ROBO2: variants seen among roughly 807,000 people sequenced by gnomAD.
The protein encoded by ROBO2 is roundabout guidance receptor 2.
In ROBO2, 53 loss-of-function variants were observed where a neutral mutation model predicts 160.8. That is an observed-to-expected ratio of 0.33 (90% CI 0.26 to 0.41). The LOEUF (loss-of-function observed/expected upper bound fraction) is 0.41. Ranked by LOEUF, ROBO2 falls within the 10% of genes least tolerant of loss-of-function variation. The pLI is 1.00. For missense variants in ROBO2, 1,577 were observed against 1,722.4 expected, an observed-to-expected ratio of 0.92 and a Z score of 1.49; for synonymous variants, 664 against 611.7, an observed-to-expected ratio of 1.09 and a Z score of -1.26.
Position 75,959,078 on chromosome 3 carries a change from A to G in ROBO2, c.109+21476A>G, listed in dbSNP as rs145392787. Among the ~76,000 whole-genome samples the G allele has an allele frequency of 2.5e-3, 375 of 151,932 alleles. 2 individuals are homozygous for G. The highest frequency in any genetic ancestry group is 8.6e-3 in the African/African-American group (357 of 41,520). ...ACTTTTAAACTTCAAAATTATGATG[A>G]CATAAGTATTTTAAAGAGCATTTAG... On this transcript the variant is annotated intron_variant, in intron 2 of 26. Coordinates refer to the ROBO2 transcript ENST00000487694.
intron 24 of ROBO2, among the ~76,000 whole-genome samples, chr3:77,637,407 A>G (rs927857118): frequency 9.2e-5 from 14 of 152,172 alleles, no homozygotes; most frequent in African/African-American, 2.9e-4. Context: ...ATATTGTTCT[A>G]CATACTTTCC....
intron 2 of ROBO2, among the ~76,000 whole-genome samples, chr3:76,381,837 A>G (rs2076640904): frequency 6.6e-6 from 1 of 152,158 alleles, no homozygotes; most frequent in African/African-American, 2.4e-5. Flanking sequence ...TGTCACTGCT[A>G]ATAAGTGGCC....
intron 2 of ROBO2, among the ~76,000 whole-genome samples, chr3:77,418,057 C>T (rs1410871400): frequency 2.0e-5 from 3 of 152,000 alleles, no homozygotes; most frequent in Non-Finnish European, 4.4e-5. Context: ...ATTAAATAAG[C>T]CTTGTTGCTA....
intron 2 of ROBO2, among the ~76,000 whole-genome samples, chr3:76,091,799 C>T (rs972907132): frequency 2.6e-5 from 4 of 152,060 alleles, no homozygotes; most frequent in African/African-American, 7.2e-5. Flanking sequence ...AGCTTCAATA[C>T]ACTAAGTGAA....
intron 2 of ROBO2, among the ~76,000 whole-genome samples, chr3:75,960,514 A>G (rs1948872792): frequency 6.6e-6 from 1 of 151,770 alleles, no homozygotes; most frequent in Non-Finnish European, 1.5e-5. Flanking sequence ...TGGTTTCATT[A>G]TATATATAAC....
At chr3:77,037,391 A>C (rs1378066814), upstream of ROBO2, among the ~76,000 whole-genome samples, 1 of 152,220 alleles carries the variant, frequency 6.6e-6, no homozygotes, top group African/African-American at 2.4e-5. Context: ...AAGCCATTTA[A>C]AAAATGGCAC....
rs1266344009 is a variant in ROBO2 at position 76,766,996 on chromosome 3, C to A, written c.110-331018C>A. 2.0e-5 allele frequency among the ~76,000 whole-genome samples: 3 copies of A among 151,370 alleles called. No individual in the cohort carries two copies. The East Asian group carries it at 5.9e-4, about 30-fold the overall frequency. The stretch of plus-strand genomic sequence containing the variant: ...TTCACTTCACATTATTTATAAAGTT[C>A]ACAAGGAGATTAATACATTAATACA... On this transcript the variant is annotated intron_variant, in intron 2 of 26. Transcript: ENST00000487694.
At chr3:76,140,204 C>T (rs546691441) in intron 2 of ROBO2, among the ~76,000 whole-genome samples, 5 of 152,174 alleles carry the variant, frequency 3.3e-5, no homozygotes, top group Admixed American at 2.0e-4. Context: ...AGAGCTTTTA[C>T]ATAGACCAAT....
chr3:77,268,861 T>G (rs1560386953), intron 2 of ROBO2, among the ~76,000 whole-genome samples: 1 of 152,286 alleles, frequency 6.6e-6, no homozygotes, highest in Non-Finnish European at 1.5e-5. Context: ...AGACCACAGG[T>G]TTCACCAGTG....
chr3:76,726,375 T>G (rs182174940), intron 2 of ROBO2, among the ~76,000 whole-genome samples: 1 of 152,180 alleles, frequency 6.6e-6, no homozygotes, highest in African/African-American at 2.4e-5. Context: ...TTAGGTATAT[T>G]GTTAACACTT....
chr3:76,777,705 C>G (rs533970938), intron 2 of ROBO2, among the ~76,000 whole-genome samples: 30 of 150,954 alleles, frequency 2.0e-4, no homozygotes, highest in African/African-American at 5.8e-4. Flanking sequence ...TACTAATAGG[C>G]TGTAGAAAAG....
intron 2 of ROBO2, among the ~76,000 whole-genome samples, chr3:77,308,700 A>C (rs1055698891): frequency 6.6e-6 from 1 of 152,198 alleles, no homozygotes; most frequent in African/African-American, 2.4e-5. Context: ...AGGGATTTTC[A>C]TAGCTTTCCA....
chr3:75,993,261 C>G (rs2065625254), intron 2 of ROBO2, among the ~76,000 whole-genome samples: 1 of 152,044 alleles, frequency 6.6e-6, no homozygotes, highest in South Asian at 2.1e-4. Context: ...TGGGAGGGAC[C>G]CAGTGGGAAG....
At chr3:76,400,225 A>G (rs2077734798) in intron 2 of ROBO2, among the ~76,000 whole-genome samples, 1 of 151,740 alleles carries the variant, frequency 6.6e-6, no homozygotes, top group African/African-American at 2.4e-5. Context: ...TAAGATATCT[A>G]GACACTTATT....
chr3:77,440,875 G>A (rs2079848917), intron 2 of ROBO2, among the ~76,000 whole-genome samples: 1 of 152,150 alleles, frequency 6.6e-6, no homozygotes, highest in South Asian at 2.1e-4. Context: ...TGCGGGTGGT[G>A]AGGACGGGAG....
intron 2 of ROBO2, among the ~76,000 whole-genome samples, chr3:77,428,284 A>C (rs1052688371): frequency 5.3e-5 from 8 of 151,914 alleles, no homozygotes; most frequent in African/African-American, 1.5e-4. Context: ...TTGGCCTGTA[A>C]TACATAAAAT....
chr3:76,390,483 TAATACAA>T (rs1238292122), intron 2 of ROBO2, among the ~76,000 whole-genome samples: 1 of 152,150 alleles, frequency 6.6e-6, no homozygotes, highest in Non-Finnish European at 1.5e-5. Context: ...TGATATTACT[TAATACAA>T]GATAATTATA....
chr3:77,220,207 T>C (rs1223166887), intron 2 of ROBO2, among the ~76,000 whole-genome samples: 1 of 152,094 alleles, frequency 6.6e-6, no homozygotes, highest in East Asian at 1.9e-4. Context: ...AGATAGGGTT[T>C]CACCATATTG....
chr3:75,964,317 A>G (rs1949030061), intron 2 of ROBO2, among the ~76,000 whole-genome samples: 1 of 151,788 alleles, frequency 6.6e-6, no homozygotes, highest in South Asian at 2.1e-4. Flanking sequence ...TGCAGGAACA[A>G]GAAATATGGT....
Sources: gnomAD v4.1 joint callset for allele counts (sites outside exome capture counted in the v4.1 genomes callset) on GRCh38, gnomAD v4.1.1 for gene constraint, MANE v1.5 for transcripts, NCBI Gene and HGNC (gene_info 2026-07-23, HGNC 2026-07-21) for gene names.